The following TRRAP variants were observed in gnomAD, a reference collection of about 807,000 sequenced individuals.
TRRAP encodes transformation/transcription domain-associated protein.
TRRAP carries 41 observed loss-of-function variants against 438.8 expected under a neutral mutation model. The observed-to-expected ratio is 0.09, with a 90% CI of 0.07 to 0.12. The LOEUF (loss-of-function observed/expected upper bound fraction) is 0.12. Ranked by LOEUF, TRRAP falls within the 10% of genes least tolerant of loss-of-function variation. The pLI is 1.00. For synonymous variants in TRRAP, 1,994 were observed against 1,962.9 expected, an observed-to-expected ratio of 1.02 and a Z score of -0.42; for missense variants, 3,122 against 5,055.1, an observed-to-expected ratio of 0.62 and a Z score of 11.60.
In TRRAP at chr7:98,925,280, C is replaced by G. The variant is rs376875302; in HGVS notation, c.2975+17C>G. 2.7e-5 allele frequency: 44 copies of G among 1,611,946 alleles called. No homozygotes were observed. The African/African-American group carries it at 5.2e-4, about 19-fold the overall frequency. On this transcript the variant is annotated intron_variant, in intron 22 of 72. Transcript: ENST00000456197. ...ACACCCCAAGTATGTCGGCCACTTC[C>G]TTCTGTGTGGTTGGGTGGATCCTGT...
At chr7:98,923,564 T>A (rs1403683778) in intron 21 of TRRAP, among the ~76,000 whole-genome samples, 3 of 152,262 alleles carry the variant, frequency 2.0e-5, no homozygotes, top group African/African-American at 7.2e-5. Context: ...TCATATGTTA[T>A]ATTGATTCTG....
rs1297192951 is a variant in TRRAP, at chr7:99,004,125, T to C, written c.10310-65T>C. On this transcript the variant is annotated intron_variant, in intron 67 of 72. Transcript: ENST00000456197. ...CGTAGCTGGTAGGGGCTTGAGCGTTTTTTGCAGTGTGTTAGAACTGGCCCA... is the reference window on the plus strand; with the variant it reads ...CGTAGCTGGTAGGGGCTTGAGCGTTCTTTGCAGTGTGTTAGAACTGGCCCA... 1.3e-5 allele frequency: 19 copies of C among 1,461,208 alleles called. No homozygotes were observed. In the East Asian group the frequency reaches 3.6e-4, roughly 28 times the overall value. 90.5% of individuals were successfully genotyped at this position (1,461,208 alleles called of 1,614,324 possible).
chr7:98,892,461 T>C lies in TRRAP; in HGVS notation c.299T>C (p.Ile100Thr). The C allele has an allele frequency of 6.2e-7, 1 of 1,612,268 alleles. No homozygotes were observed. The highest frequency in any genetic ancestry group is 8.5e-7 in the Non-Finnish European group (1 of 1,179,694). The change falls in exon 5 of 73, where the codon ATA (isoleucine) becomes ACA (threonine). Residue 100 changes from isoleucine (I) to threonine (T), a missense_variant. Ile to Thr is a moderately conservative substitution (Grantham distance 89). Coordinates refer to ENST00000456197, the MANE Select transcript of TRRAP (RefSeq NM_001375524.1). ...RKLVLEIIHR[I>T]PTNEHLRPHT... ...CTCGTACTTGAAATAATTCATAGAA[T>C]ACCAACCAACGAACATCTTCGTCCT...
intron 51 of TRRAP, among the ~76,000 whole-genome samples, chr7:98,969,569 C>G (rs1178564442): frequency 6.6e-6 from 1 of 152,230 alleles, no homozygotes; most frequent in Non-Finnish European, 1.5e-5. Flanking sequence ...GGAATATTCG[C>G]CCAAGATGGC....
intron 40 of TRRAP, among the ~76,000 whole-genome samples, chr7:98,954,137 A>C (rs1414803844): frequency 2.6e-5 from 4 of 152,144 alleles, no homozygotes; most frequent in Non-Finnish European, 5.9e-5. Flanking sequence ...CTCTTCCTGG[A>C]GTACCTCGGT....
At chr7:98,880,272 T>G (rs1395173545) in intron 1 of TRRAP, among the ~76,000 whole-genome samples, 2 of 148,974 alleles carry the variant, frequency 1.3e-5, no homozygotes, top group African/African-American at 4.9e-5. Flanking sequence ...GTTTTTTTTT[T>G]TTTTTTTCCG....
At chr7:98,878,920 G>A (rs1274605921) in intron 1 of TRRAP, among the ~76,000 whole-genome samples, 1 of 152,140 alleles carries the variant, frequency 6.6e-6, no homozygotes, top group Non-Finnish European at 1.5e-5. Context: ...CGGAGCGCCC[G>A]GGACGGCGAC....
chr7:98,888,862 TCTG>T (rs1554404359), intron 3 of TRRAP, among the ~76,000 whole-genome samples: 2 of 152,194 alleles, frequency 1.3e-5, no homozygotes, highest in African/African-American at 4.8e-5. Context: ...CTGTCTTCCT[TCTG>T]CTGCTGCCTC....
chr7:98,974,772 C>T (rs118178469), intron 53 of TRRAP, among the ~76,000 whole-genome samples: 1 of 152,162 alleles, frequency 6.6e-6, no homozygotes, highest in African/African-American at 2.4e-5. Flanking sequence ...CCAGGTATTC[C>T]TTAGTCCAGT....
chr7:98,889,954 C>T (rs1795893005), intron 3 of TRRAP, among the ~76,000 whole-genome samples: 1 of 152,088 alleles, frequency 6.6e-6, no homozygotes, highest in Non-Finnish European at 1.5e-5. Context: ...AATGAATATA[C>T]ATCTAACTAA....
chr7:98,890,521 T>TAAA, intron 4 of TRRAP, 76 bp downstream of exon 4: 1 of 1,054,396 alleles, frequency 9.5e-7, no homozygotes, highest in Non-Finnish European at 1.3e-6. Context: ...TCAGAAAACT[T>TAAA]ACGGTTCCAC....
chr7:98,947,967 C>G (rs1028513248), intron 33 of TRRAP, among the ~76,000 whole-genome samples: 1 of 152,166 alleles, frequency 6.6e-6, no homozygotes, highest in Admixed American at 6.5e-5. Flanking sequence ...ACGATCACAT[C>G]GGGTGTACAC....
At chr7:98,943,232 C>A (rs554883480) in intron 31 of TRRAP, among the ~76,000 whole-genome samples, 1 of 152,210 alleles carries the variant, frequency 6.6e-6, no homozygotes, top group Non-Finnish European at 1.5e-5. Flanking sequence ...TTAAAATCTC[C>A]CCTTTGGTTC....
intron 67 of TRRAP, among the ~76,000 whole-genome samples, chr7:98,998,021 A>T (rs1793749418): frequency 6.6e-6 from 1 of 152,340 alleles, no homozygotes; most frequent in Non-Finnish European, 1.5e-5. Context: ...GCTCCCTCCA[A>T]AGAGGACTGA....
chr7:98,899,773 G>T lies in TRRAP; in HGVS notation c.800+6G>T. On this transcript the variant is annotated splice_donor_region_variant and intron_variant, in intron 10 of 72. Transcript: ENST00000456197. ...CAGGTGTCTGCACAAGCGAGGTGAGGCGTCACTGTAGCCGGCTGCCACAGT... is the reference window on the plus strand; with the variant it reads ...CAGGTGTCTGCACAAGCGAGGTGAGTCGTCACTGTAGCCGGCTGCCACAGT... 1 of 1,613,916 alleles carries T rather than the reference G, an allele frequency of 6.2e-7. No individual in the cohort carries two copies. The highest frequency in any genetic ancestry group is 8.5e-7 in the Non-Finnish European group (1 of 1,179,820).
At chr7:98,924,198 C>T (rs1207000503) in intron 21 of TRRAP, among the ~76,000 whole-genome samples, 1 of 152,192 alleles carries the variant, frequency 6.6e-6, no homozygotes, top group Non-Finnish European at 1.5e-5. Context: ...TCACTTAGTT[C>T]CTGTAATCTG....
At chr7:98,957,534 C>T (rs1421947995) in intron 43 of TRRAP, among the ~76,000 whole-genome samples, 2 of 152,170 alleles carry the variant, frequency 1.3e-5, no homozygotes, top group Non-Finnish European at 2.9e-5. Flanking sequence ...GTGACCAGGC[C>T]CTGCTGATGG....
chr7:99,008,189 C>T (rs754912135), intron 69 of TRRAP, among the ~76,000 whole-genome samples, 188 bp from the exon 70 acceptor site: 4 of 152,180 alleles, frequency 2.6e-5, no homozygotes, highest in Non-Finnish European at 4.4e-5. Context: ...ACGATCAGTT[C>T]GTGCCGTCAG....
rs781898467 is a variant in TRRAP at position 98,925,089 on chromosome 7, G to C, written c.2824-23G>C. The C allele has an allele frequency of 5.9e-5, 94 of 1,593,960 alleles. No homozygotes were observed. In the South Asian group the frequency reaches 6.7e-4, roughly 11 times the overall value. ...TCATGTAATTTCAGCACAAACTGTA[G>C]TTTCTTTGTGTCTTGGTTGTAGGCC... On this transcript the variant is annotated intron_variant, in intron 21 of 72. Transcript: ENST00000456197.
Sources: gnomAD v4.1 joint callset for allele counts (sites outside exome capture counted in the v4.1 genomes callset) on GRCh38, gnomAD v4.1.1 for gene constraint, MANE v1.5 for transcripts, NCBI Gene and HGNC (gene_info 2026-07-23, HGNC 2026-07-21) for gene names.